Variants in INCA1 observed in about 807,000 individuals in gnomAD.
The protein encoded by INCA1 is inhibitor of CDK, cyclin A1 interacting protein 1.
INCA1 carries 28 observed loss-of-function variants against 25.7 expected under a neutral mutation model. That is an observed-to-expected ratio of 1.09 (90% confidence interval 0.81 to 1.49). The LOEUF (loss-of-function observed/expected upper bound fraction) is 1.49, where lower values mean the gene tolerates loss of function less well. Ranked by LOEUF, INCA1 falls within the 40% of genes most tolerant of loss-of-function variation. INCA1 has a pLI of 0.00. For synonymous variants in INCA1, 111 were observed against 103.6 expected, an observed-to-expected ratio of 1.07 and a Z score of -0.43; for missense variants, 309 against 290.9, an observed-to-expected ratio of 1.06 and a Z score of -0.45.
In INCA1 at chr17:4,989,889, C is replaced by G. The variant is rs762980657; in HGVS notation, c.198+1G>C. On this transcript the variant is annotated splice_donor_variant, in intron 4 of 6. Transcript: ENST00000576820. LOFTEE classifies it high-confidence loss of function. ...GTTAAACGGCAGAGGGTCTGTCTTA[C>G]CAGCATGGGTGGAATGTGCTGCTCC... The G allele has an allele frequency of 3.7e-6, 6 of 1,614,168 alleles. No individual in the cohort carries two copies. The East Asian group carries it at 6.7e-5, about 18-fold the overall frequency.
intron 2 of INCA1, among the ~76,000 whole-genome samples, chr17:4,992,720 T>G (rs1487398659): frequency 6.9e-6 from 1 of 145,196 alleles, no homozygotes; most frequent in Non-Finnish European, 1.5e-5. Flanking sequence ...CTCCCTTCTT[T>G]CTTTTTAGAG....
chr17:4,990,018 G>A, intron 3 of INCA1, 89 bp from the exon 4 acceptor site: 1 of 1,611,848 alleles, frequency 6.2e-7, no homozygotes, highest in South Asian at 1.1e-5. Context: ...CCTCCTTTCT[G>A]TCATTAGGAG....
chr17:4,993,492 G>A (rs1281866252), intron 2 of INCA1, among the ~76,000 whole-genome samples: 1 of 151,008 alleles, frequency 6.6e-6, no homozygotes, highest in Non-Finnish European at 1.5e-5. Flanking sequence ...TTTTTGAGAC[G>A]GAGTCTCGCT....
At chr17:4,994,359 C>T (rs1274613294) in intron 2 of INCA1, 35 bp downstream of exon 2, 5 of 1,607,958 alleles carry the variant, frequency 3.1e-6, no homozygotes, top group Non-Finnish European at 4.3e-6. Context: ...CCCTCCATCC[C>T]ATCCCCATGC....
exon 7 of INCA1, chr17:4,988,237 T>A (rs1973502714): frequency 1.5e-6 from 1 of 655,746 alleles, no homozygotes; most frequent in Non-Finnish European, 2.4e-6. Flanking sequence ...TGGGTTGAGA[T>A]GGGAGCCCAC....
chr17:4,996,324 G>T (rs1974257273), intron 1 of INCA1, among the ~76,000 whole-genome samples: 1 of 151,646 alleles, frequency 6.6e-6, no homozygotes, highest in Admixed American at 6.6e-5. Context: ...CTGCAGTGAG[G>T]TAAGATCGCA....
rs143063964 is a variant in INCA1 at position 4,991,746 on chromosome 17, C to A, written c.45-1481G>T. Reference sequence around the variant, plus strand: ...ATCTCCTCCCCAACCTTCCTCCTCTCAATGAAAAGCACTCAAATGCCCAGT... The same window carrying A: ...ATCTCCTCCCCAACCTTCCTCCTCTAAATGAAAAGCACTCAAATGCCCAGT... On this transcript the variant is annotated intron_variant, in intron 2 of 6. Coordinates refer to ENST00000576820, the Ensembl canonical transcript of INCA1. 3.2e-3 allele frequency among the ~76,000 whole-genome samples: 490 copies of A among 152,318 alleles called. 3 individuals are homozygous for A. Among genetic ancestry groups the A allele is most frequent in the African/African-American group, 0.011 (449 of 41,566 alleles).
In INCA1 at chr17:4,989,881, C is replaced by T; in HGVS notation, c.198+9G>A. 1 of 1,614,184 alleles carries T rather than the reference C, an allele frequency of 6.2e-7. No individual in the cohort carries two copies. Among genetic ancestry groups the T allele is most frequent in the Non-Finnish European group, 8.5e-7 (1 of 1,180,032 alleles). Reference sequence around the variant, plus strand: ...AGAGAAATGTTAAACGGCAGAGGGTCTGTCTTACCAGCATGGGTGGAATGT... The same window carrying T: ...AGAGAAATGTTAAACGGCAGAGGGTTTGTCTTACCAGCATGGGTGGAATGT... On this transcript the variant is annotated intron_variant, in intron 4 of 6. Coordinates refer to ENST00000576820, the Ensembl canonical transcript of INCA1.
chr17:4,990,114 A>G (rs760250773), intron 3 of INCA1, 38 bp downstream of exon 3: 51 of 1,613,170 alleles, frequency 3.2e-5, no homozygotes, highest in Non-Finnish European at 2.5e-6. Context: ...TCCAGTTAAG[A>G]CCACATCCAG....
chr17:4,994,353 C>T, intron 2 of INCA1, 41 bp downstream of exon 2: 16 of 1,593,198 alleles, frequency 1.0e-5, no homozygotes, highest in African/African-American at 2.7e-5. Flanking sequence ...AATATCCCCT[C>T]CATCCCATCC....
chr17:4,993,174 C>T (rs1293110072), intron 2 of INCA1, among the ~76,000 whole-genome samples: 4 of 151,364 alleles, frequency 2.6e-5, no homozygotes, highest in Non-Finnish European at 5.9e-5. Context: ...GCCACCACGC[C>T]TGACCTTGTT....
chr17:4,993,766 CCTTT>C (rs1974039205), intron 2 of INCA1, among the ~76,000 whole-genome samples: 1 of 138,788 alleles, frequency 7.2e-6, no homozygotes, highest in Non-Finnish European at 1.5e-5. Flanking sequence ...CCGTGCCTGG[CCTTT>C]TTTTTTTTTT....
chr17:4,996,617 G>A (rs1382046619), intron 1 of INCA1, among the ~76,000 whole-genome samples: 1 of 146,392 alleles, frequency 6.8e-6, no homozygotes, highest in Non-Finnish European at 1.5e-5. Context: ...AGGAGGCGGA[G>A]GTTGCCGTGA....
exon 3 of INCA1, chr17:4,990,158 C>T (rs1973765488): frequency 6.2e-7 from 1 of 1,614,034 alleles, no homozygotes; most frequent in African/African-American, 1.3e-5. Flanking sequence ...TCACGTGGGC[C>T]TTTGATTAAG....
intron 2 of INCA1, among the ~76,000 whole-genome samples, chr17:4,992,425 G>A (rs1973933820): frequency 6.6e-6 from 1 of 151,742 alleles, no homozygotes; most frequent in Non-Finnish European, 1.5e-5. Flanking sequence ...GGGACTACAG[G>A]CGTGTGCCAC....
chr17:4,995,243 T>C (rs948250400), intron 1 of INCA1, among the ~76,000 whole-genome samples: 1 of 151,736 alleles, frequency 6.6e-6, no homozygotes, highest in African/African-American at 2.4e-5. Context: ...GGACTGTTAA[T>C]TGAACATTTA....
At chr17:4,997,209 A>T (rs1317583241), upstream of INCA1, 1 of 152,304 alleles carries the variant, frequency 6.6e-6, no homozygotes, top group East Asian at 1.9e-4. Context: ...GACCCTCGAC[A>T]GGTGGACCGG....
chr17:4,994,391 C>T lies in INCA1; in HGVS notation c.44+3G>A, dbSNP rs1974084172. The T allele has an allele frequency of 1.7e-5, 27 of 1,613,736 alleles. No homozygotes were observed. Among genetic ancestry groups the T allele is most frequent in the Non-Finnish European group, 2.2e-5 (26 of 1,179,896 alleles). On this transcript the variant is annotated splice_donor_region_variant and intron_variant, in intron 2 of 6. Transcript: ENST00000576820. ...ATGCTCCCCACCCAGTGGGAGGACTCACTTGGCAAAGGGGATGAGGTTGAC... is the reference window on the plus strand; with the variant it reads ...ATGCTCCCCACCCAGTGGGAGGACTTACTTGGCAAAGGGGATGAGGTTGAC...
chr17:4,989,185 G>C (rs1973623993), intron 5 of INCA1, among the ~76,000 whole-genome samples: 1 of 152,186 alleles, frequency 6.6e-6, no homozygotes. Context: ...CCTGTCTTCA[G>C]TGATCTAGTT....
Sources: allele counts gnomAD v4.1 joint callset (sites outside exome capture counted in the v4.1 genomes callset), GRCh38; gene constraint gnomAD v4.1.1; transcripts MANE v1.5; gene names NCBI Gene and HGNC (gene_info 2026-07-23, HGNC 2026-07-21).